The following MAP2K5 variants were observed in gnomAD, a reference collection of about 807,000 sequenced individuals.
MAP2K5 encodes dual specificity mitogen-activated protein kinase kinase 5.
Under a neutral mutation model 83.1 loss-of-function variants are expected in MAP2K5, and 49 were observed. That is an observed-to-expected ratio of 0.59 (90% CI 0.47 to 0.75). The LOEUF is 0.75. MAP2K5 is among the 30% of genes least tolerant of loss of function. The pLI, the probability that MAP2K5 is intolerant of heterozygous loss-of-function variation, is 0.00. For missense variants in MAP2K5, 457 were observed against 557.5 expected (o/e 0.82, Z 1.82); for synonymous variants, 202 against 191.8 (o/e 1.05, Z -0.44).
At chr15:67,549,164 T>G in intron 1 of MAP2K5, 1 of 1,535,660 alleles carries the variant, frequency 6.5e-7, no homozygotes, top group East Asian at 2.4e-5. Flanking sequence ...TTGCAGGCCA[T>G]TGGAGTTGGA....
chr15:67,550,759 CTTTTCTTTTTCTTTTTTCT>C (rs2084492611), intron 2 of MAP2K5, among the ~76,000 whole-genome samples: 2 of 137,898 alleles, frequency 1.5e-5, no homozygotes, highest in South Asian at 2.4e-4. Context: ...CTACTTTTTT[CTTTTCTTTTTCTTTTTTCT>C]TTTTTTTTTT....
chr15:67,693,676 A>G, intron 15 of MAP2K5, 108 bp downstream of exon 15: 4 of 811,574 alleles, frequency 4.9e-6, no homozygotes, highest in Non-Finnish European at 8.1e-6. Context: ...CTAGCAGATC[A>G]TAAATTGCAA....
intron 13 of MAP2K5, among the ~76,000 whole-genome samples, chr15:67,686,594 CTG>C (rs1261559100): frequency 2.7e-5 from 4 of 146,168 alleles, no homozygotes; most frequent in African/African-American, 7.8e-5. Context: ...CAGAGTGAGA[CTG>C]TGTCTCAAAT....
At chr15:67,623,791 T>C (rs2141071936) in intron 8 of MAP2K5, among the ~76,000 whole-genome samples, 1 of 151,850 alleles carries the variant, frequency 6.6e-6, no homozygotes, top group East Asian at 2.0e-4. Context: ...GAGACGGGGT[T>C]TCTCCATGTT....
intron 6 of MAP2K5, among the ~76,000 whole-genome samples, chr15:67,591,536 A>G (rs983570342): frequency 6.6e-6 from 1 of 150,688 alleles, no homozygotes; most frequent in South Asian, 2.1e-4. Flanking sequence ...CACCCGGCTA[A>G]TTTTTTGTAT....
chr15:67,806,836 A>G lies in MAP2K5; in HGVS notation c.*86A>G. 1 of 1,597,526 alleles carries G rather than the reference A, an allele frequency of 6.3e-7. No homozygotes were observed. The highest frequency in any genetic ancestry group is 8.5e-7 in the Non-Finnish European group (1 of 1,179,200). ...CCCTTCTCCGTATGCTGCCTGCGCC[A>G]GAAGAGCTTTGCTGGGCCCTGGCTT... On this transcript the variant is annotated 3_prime_UTR_variant, in exon 22 of 22. Transcript: ENST00000178640.
chr15:67,701,885 G>T (rs1431181762), intron 15 of MAP2K5, among the ~76,000 whole-genome samples: 1 of 152,302 alleles, frequency 6.6e-6, no homozygotes, highest in South Asian at 2.1e-4. Context: ...TCACTGGAAA[G>T]AACTCTAATT....
At chr15:67,641,748 G>GA (rs1463363722) in intron 9 of MAP2K5, 3 of 388,430 alleles carry the variant, frequency 7.7e-6, no homozygotes, top group East Asian at 1.6e-4. Flanking sequence ...TTCCTAAGGA[G>GA]AAAAAAATAA....
At chr15:67,713,608 C>T (rs930305623) in intron 16 of MAP2K5, among the ~76,000 whole-genome samples, 7 of 152,048 alleles carry the variant, frequency 4.6e-5, no homozygotes, top group African/African-American at 7.2e-5. Context: ...TGGTGGCAGG[C>T]GCCTGTAATC....
At position 67,697,833 on chromosome 15, in the gene MAP2K5, G is replaced by A. The variant is rs371856653; in HGVS notation, c.972+4265G>A. 9.9e-5 allele frequency among the ~76,000 whole-genome samples: 15 copies of A among 152,246 alleles called. No homozygotes were observed. In the East Asian group the frequency reaches 1.5e-3, roughly 16 times the overall value. On this transcript the variant is annotated intron_variant, in intron 15 of 21. Coordinates refer to ENST00000178640, the MANE Select transcript of MAP2K5 (RefSeq NM_145160.3). ...TCTCACTTAATCTGTAATCGAAAGCGTAAAATATAGAAAAGATAATTAGGA... is the reference window on the plus strand; with the variant it reads ...TCTCACTTAATCTGTAATCGAAAGCATAAAATATAGAAAAGATAATTAGGA...
At chr15:67,729,861 A>G (rs2089182831) in intron 17 of MAP2K5, among the ~76,000 whole-genome samples, 2 of 152,248 alleles carry the variant, frequency 1.3e-5, no homozygotes, top group East Asian at 1.9e-4. Flanking sequence ...CCTTTGCAGT[A>G]TGGTTTTCCT....
rs897864428 is a variant in MAP2K5, at chr15:67,636,727, G to A, written c.585+5800G>A. ...TATAAATATTTTTGAACTTTATTCT[G>A]AGATTGTGGTGGGTAATATTGAGTG... On this transcript the variant is annotated intron_variant, in intron 9 of 21. Transcript: ENST00000178640. The surrounding 1 kb of genome is among the most constrained non-coding windows in gnomAD (Gnocchi z 4.7). 6.6e-6 allele frequency among the ~76,000 whole-genome samples: 1 copy of A among 152,164 alleles called. No homozygotes were observed. The highest frequency in any genetic ancestry group is 2.4e-5 in the African/African-American group (1 of 41,440).
intron 16 of MAP2K5, among the ~76,000 whole-genome samples, chr15:67,716,680 C>T (rs2088833414): frequency 6.6e-6 from 1 of 152,188 alleles, no homozygotes; most frequent in African/African-American, 2.4e-5. Context: ...GGAAGCTGGT[C>T]TCCAGGGAAC....
intron 13 of MAP2K5, among the ~76,000 whole-genome samples, chr15:67,684,519 G>A (rs1050822593): frequency 3.9e-5 from 6 of 152,056 alleles, no homozygotes; most frequent in Admixed American, 6.6e-5. Context: ...AGCATTCAAC[G>A]ACACAAGATT....
At position 67,638,969 on chromosome 15, in the gene MAP2K5, G is replaced by C. The variant is rs1046055613; in HGVS notation, c.586-7262G>C. On this transcript the variant is annotated intron_variant, in intron 9 of 21. Transcript: ENST00000178640. This position sits in a 1 kb window ranked among gnomAD's most constrained non-coding sequence, Gnocchi z 4.5. ...GACCCCTTCCTTATACCCCTTTACTGCAAAAATTAACTCAAAATTAAAGAC... is the reference window on the plus strand; with the variant it reads ...GACCCCTTCCTTATACCCCTTTACTCCAAAAATTAACTCAAAATTAAAGAC... Among the ~76,000 whole-genome samples the C allele has an allele frequency of 7.2e-5, 11 of 151,848 alleles. No individual in the cohort carries two copies. Among genetic ancestry groups the C allele is most frequent in the African/African-American group, 2.7e-4 (11 of 41,314 alleles).
intron 13 of MAP2K5, among the ~76,000 whole-genome samples, chr15:67,666,237 G>A (rs1394445126): frequency 6.6e-6 from 1 of 152,152 alleles, no homozygotes; most frequent in Non-Finnish European, 1.5e-5. Flanking sequence ...TTTGTGCAAG[G>A]AATCTTAGTA....
chr15:67,547,709 G>A (rs1319122003), intron 1 of MAP2K5, among the ~76,000 whole-genome samples: 1 of 152,024 alleles, frequency 6.6e-6, no homozygotes, highest in Non-Finnish European at 1.5e-5. Context: ...CACCCACTTC[G>A]GCCCCCCAAA....
At chr15:67,762,700 A>G (rs2089972562) in intron 19 of MAP2K5, among the ~76,000 whole-genome samples, 1 of 152,220 alleles carries the variant, frequency 6.6e-6, no homozygotes, top group South Asian at 2.1e-4. Context: ...AAAATAGGAA[A>G]AAAAATCTCT....
chr15:67,751,856 T>C (rs16951230), intron 19 of MAP2K5, among the ~76,000 whole-genome samples: 14,273 of 152,152 alleles, frequency 0.094, 789 homozygotes, highest in Admixed American at 0.11. Flanking sequence ...GCGCTGACAT[T>C]GATATTCTCG....
Sources: allele counts gnomAD v4.1 joint callset (sites outside exome capture counted in the v4.1 genomes callset), GRCh38; gene constraint gnomAD v4.1.1; non-coding constraint Gnocchi (gnomAD v3.1); transcripts MANE v1.5; gene names NCBI Gene and HGNC (gene_info 2026-07-23, HGNC 2026-07-21).